The following CCDC191 variants were observed in gnomAD, a reference collection of about 807,000 sequenced individuals.
CCDC191 encodes the protein coiled-coil domain containing 191.
CCDC191 carries 99 observed loss-of-function variants against 114.0 expected under a neutral mutation model. The ratio of observed to expected loss-of-function variants is 0.87; its 90% CI spans 0.74 to 1.03. CCDC191 has a LOEUF of 1.03. Among genes scored for constraint, CCDC191 ranks in the 50% least tolerant of loss-of-function variants. CCDC191 has a pLI of 0.00. For synonymous variants in CCDC191, 351 were observed against 376.0 expected (o/e 0.93, Z 0.77); for missense variants, 973 against 1,087.0 (o/e 0.90, Z 1.47).
chr3:114,034,739 G>A (rs1481913609), intron 6 of CCDC191, among the ~76,000 whole-genome samples, 186 bp downstream of exon 6: 1 of 152,148 alleles, frequency 6.6e-6, no homozygotes, highest in East Asian at 1.9e-4. Context: ...ATTAAGTATG[G>A]AAAGGGACCA....
chr3:114,025,378 C>A (rs1176604481), intron 7 of CCDC191, among the ~76,000 whole-genome samples: 1 of 152,086 alleles, frequency 6.6e-6, no homozygotes, highest in African/African-American at 2.4e-5. Flanking sequence ...CATCTCTCCC[C>A]CCACCAACTT....
At chr3:114,045,721 C>G (rs1318821803) in intron 3 of CCDC191, among the ~76,000 whole-genome samples, 1 of 152,216 alleles carries the variant, frequency 6.6e-6, no homozygotes, top group Admixed American at 6.5e-5. Flanking sequence ...CATGGGTCTT[C>G]CTGCAGCACA....
At chr3:114,030,446 A>G (rs993559613) in intron 7 of CCDC191, among the ~76,000 whole-genome samples, 1 of 152,132 alleles carries the variant, frequency 6.6e-6, no homozygotes, top group Admixed American at 6.5e-5. Context: ...CTGTTATTAT[A>G]TAGGAGGAAT....
At chr3:113,992,657 A>G (rs1419103455) in intron 13 of CCDC191, among the ~76,000 whole-genome samples, 1 of 152,186 alleles carries the variant, frequency 6.6e-6, no homozygotes, top group African/African-American at 2.4e-5. Context: ...CAGCATACCA[A>G]CATGGCACAT....
chr3:114,028,275 A>ATTTTTTTT (rs920211150), intron 7 of CCDC191, among the ~76,000 whole-genome samples: 4 of 126,876 alleles, frequency 3.2e-5, no homozygotes, highest in Non-Finnish European at 6.6e-5. Flanking sequence ...AATTCTAAAA[A>ATTTTTTTT]TTTTTTTTTT....
chr3:114,006,613 T>TATATATATATATAA (rs1206982466), intron 9 of CCDC191, among the ~76,000 whole-genome samples: 1 of 91,186 alleles, frequency 1.1e-5, no homozygotes, highest in East Asian at 3.9e-4. Context: ...TATATATATA[T>TATATATATATATAA]ATATAAATAT....
chr3:114,049,226 G>A (rs1468821464), intron 2 of CCDC191, among the ~76,000 whole-genome samples: 1 of 152,152 alleles, frequency 6.6e-6, no homozygotes, highest in Non-Finnish European at 1.5e-5. Context: ...GAAGTCACTT[G>A]GTAGAGACCT....
At chr3:114,022,759 T>C (rs2076261457) in intron 7 of CCDC191, among the ~76,000 whole-genome samples, 1 of 152,014 alleles carries the variant, frequency 6.6e-6, no homozygotes, top group South Asian at 2.1e-4. Flanking sequence ...ATGAAGTCCC[T>C]GGGGATTAGA....
chr3:113,987,391 T>C (rs62265459), intron 13 of CCDC191, among the ~76,000 whole-genome samples: 14,161 of 152,194 alleles, frequency 0.093, 722 homozygotes, highest in East Asian at 0.13. Context: ...TTATTTTTAA[T>C]TCCACTGAGA....
chr3:114,034,359 A>T, intron 6 of CCDC191, among the ~76,000 whole-genome samples: 1 of 152,220 alleles, frequency 6.6e-6, no homozygotes, highest in East Asian at 1.9e-4. Flanking sequence ...AGAGTATGAT[A>T]AACTGGCCTG....
intron 13 of CCDC191, among the ~76,000 whole-genome samples, chr3:113,983,502 C>T (rs1202347368): frequency 3.9e-5 from 6 of 152,092 alleles, no homozygotes; most frequent in Non-Finnish European, 7.4e-5. Flanking sequence ...CTGTGGAGGC[C>T]GCCTCAGCAT....
chr3:113,979,729 G>A (rs983375410), intron 14 of CCDC191, among the ~76,000 whole-genome samples: 1 of 152,154 alleles, frequency 6.6e-6, no homozygotes, highest in African/African-American at 2.4e-5. Context: ...TCTCTTGGCA[G>A]TCATATTTAT....
intron 9 of CCDC191, among the ~76,000 whole-genome samples, chr3:114,008,871 A>C (rs555416158): frequency 1.3e-5 from 2 of 152,238 alleles, no homozygotes; most frequent in South Asian, 4.2e-4. Flanking sequence ...ATTTGTTCTG[A>C]GAAATAGGTG....
chr3:113,979,254 T>C (rs2075051565), intron 14 of CCDC191, among the ~76,000 whole-genome samples: 1 of 152,208 alleles, frequency 6.6e-6, no homozygotes, highest in Non-Finnish European at 1.5e-5. Flanking sequence ...TTGCTGGTTA[T>C]GGAAATGGAA....
intron 7 of CCDC191, among the ~76,000 whole-genome samples, chr3:114,023,582 C>T (rs2076274844): frequency 6.6e-6 from 1 of 152,126 alleles, no homozygotes; most frequent in African/African-American, 2.4e-5. Context: ...CTTTGACAAA[C>T]CTGACAAAAA....
intron 13 of CCDC191, among the ~76,000 whole-genome samples, chr3:113,998,388 G>A (rs1248157478): frequency 2.0e-5 from 3 of 151,074 alleles, no homozygotes; most frequent in Admixed American, 6.6e-5. Context: ...AGAAAGCATC[G>A]CTATCATAGG....
At chr3:114,006,601 TATATATATATATATATAA>T (rs199931956) in intron 9 of CCDC191, among the ~76,000 whole-genome samples, 1,797 of 136,276 alleles carry the variant, frequency 0.013, 54 homozygotes, top group African/African-American at 0.042. Flanking sequence ...TATATATATA[TATATATATATATATATAA>T]ATATATATAT....
chr3:113,978,396 TAAAC>T lies in CCDC191; in HGVS notation c.2461-69_2461-66del. The T allele has an allele frequency of 5.4e-6, 8 of 1,494,732 alleles. 1 individual carries two copies. The South Asian group carries it at 8.1e-5, about 15-fold the overall frequency. The allele number at this position is 1,494,732 out of a possible 1,614,324, so 92.6% of individuals were successfully genotyped here. Reference sequence around the variant, plus strand: ...TCAGTTGACAAAGAATTAGAGCAAATAAACAGCACAAAAGACAGAAATGAAACAA... The same window carrying T: ...TCAGTTGACAAAGAATTAGAGCAAATAGCACAAAAGACAGAAATGAAACAA... On this transcript the variant is annotated intron_variant, in intron 15 of 16. Transcript: ENST00000295878.
chr3:113,984,774 T>C (rs986641693), intron 13 of CCDC191: 1 of 152,134 alleles, frequency 6.6e-6, no homozygotes, highest in Non-Finnish European at 1.5e-5. Context: ...AAAAGGAAAA[T>C]GTTTGGGCTT....
Sources: allele counts gnomAD v4.1 joint callset (sites outside exome capture counted in the v4.1 genomes callset), GRCh38; gene constraint gnomAD v4.1.1; transcripts MANE v1.5; gene names NCBI Gene and HGNC (gene_info 2026-07-23, HGNC 2026-07-21).